The following CDYL variants were observed in gnomAD, a reference collection of about 807,000 sequenced individuals.
The protein encoded by CDYL is chromodomain Y like, also known as chromodomain Y-like protein.
A neutral mutation model predicts 47.3 loss-of-function variants in CDYL; 8 were observed. The ratio of observed to expected loss-of-function variants is 0.17; its 90% CI spans 0.10 to 0.31. CDYL has a LOEUF of 0.31. Among genes scored for constraint, CDYL ranks in the 10% least tolerant of loss-of-function variants. The pLI is 1.00. For missense variants in CDYL, 471 were observed against 701.4 expected (o/e 0.67, Z 3.71); for synonymous variants, 266 against 265.0 (o/e 1.00, Z -0.04).
At chr6:4,740,081 G>C (rs926949777) in intron 3 of CDYL, among the ~76,000 whole-genome samples, 3 of 152,196 alleles carry the variant, frequency 2.0e-5, no homozygotes, top group Admixed American at 1.3e-4. Flanking sequence ...AAAAAAAGCA[G>C]TACATGTGAA....
At chr6:4,740,732 C>T (rs961440756) in intron 3 of CDYL, among the ~76,000 whole-genome samples, 13 of 151,958 alleles carry the variant, frequency 8.6e-5, no homozygotes, top group African/African-American at 3.1e-4. Flanking sequence ...AGTTTCTCTT[C>T]TCTGTATCCA....
intron 3 of CDYL, among the ~76,000 whole-genome samples, chr6:4,743,502 T>A (rs1757833205): frequency 6.6e-6 from 1 of 152,186 alleles, no homozygotes; most frequent in African/African-American, 2.4e-5. Context: ...ATTTTACACT[T>A]CTTACCCCTT....
intron 1 of CDYL, among the ~76,000 whole-genome samples, chr6:4,789,853 C>A (rs948901784): frequency 6.6e-6 from 1 of 152,148 alleles, no homozygotes; most frequent in African/African-American, 2.4e-5. Flanking sequence ...AGTGTAGTTT[C>A]CTGTTCTTAA....
intron 1 of CDYL, among the ~76,000 whole-genome samples, chr6:4,850,974 A>C (rs893656838): frequency 1.3e-5 from 2 of 152,226 alleles, no homozygotes; most frequent in Non-Finnish European, 2.9e-5. Context: ...ACCGAGGCAC[A>C]TGGCAATGAC....
In CDYL at chr6:4,935,795, G is replaced by C. The variant is rs568158656; in HGVS notation, c.948+24G>C. 6 of 1,611,282 alleles carry C rather than the reference G, an allele frequency of 3.7e-6. No homozygotes were observed. The East Asian group carries it at 1.1e-4, about 30-fold the overall frequency. ...AGGTGAGAGGCGCTCTTGGGCTGGC[G>C]TGGGCTTCGCGCTTCTCCCTGCCTG... On this transcript the variant is annotated intron_variant, in intron 3 of 6. Transcript: ENST00000397588.
At chr6:4,765,337 A>C (rs9392637) in intron 3 of CDYL, among the ~76,000 whole-genome samples, 1 of 152,168 alleles carries the variant, frequency 6.6e-6, no homozygotes, top group Admixed American at 6.5e-5. Context: ...AAAAAAAGAC[A>C]AATAAAAATA....
chr6:4,875,601 C>A (rs182592907), intron 1 of CDYL, among the ~76,000 whole-genome samples: 318 of 152,282 alleles, frequency 2.1e-3, no homozygotes, highest in African/African-American at 7.3e-3. Context: ...TATAAACATA[C>A]ATTTGATTTA....
chr6:4,936,123 G>A (rs1456891698), intron 3 of CDYL, among the ~76,000 whole-genome samples: 2 of 152,186 alleles, frequency 1.3e-5, no homozygotes, highest in African/African-American at 2.4e-5. Context: ...GTGTGCACGC[G>A]CTTTGCTTTA....
chr6:4,773,068 T>A (rs1758361248), upstream of CDYL: 1 of 454,968 alleles, frequency 2.2e-6, no homozygotes, highest in Non-Finnish European at 4.4e-6. The surrounding 1 kb of genome is among the most constrained non-coding windows in gnomAD (Gnocchi z 4.6). Context: ...GCTGTGATTC[T>A]TGATCTGAAG....
chr6:4,897,790 G>GTTTTGTTTTTTT lies in CDYL; in HGVS notation c.691+5415_691+5416insGTTTTTTTTTTT, dbSNP rs75519192. ...ATTTTCCTAGGTTTTGAAGGTTTTTGTTTTTTTTTTTTAAATTATCCAGGC... is the reference window on the plus strand; with the variant it reads ...ATTTTCCTAGGTTTTGAAGGTTTTTGTTTTGTTTTTTTTTTTTTTTTTTTAAATTATCCAGGC... On this transcript the variant is annotated intron_variant, in intron 2 of 6. Coordinates refer to ENST00000397588, the MANE Select transcript of CDYL (RefSeq NM_004824.4). 7.7e-4 allele frequency among the ~76,000 whole-genome samples: 108 copies of GTTTTGTTTTTTT among 140,252 alleles called. 1 individual carries two copies. The highest frequency in any genetic ancestry group is 1.5e-3 in the South Asian group (7 of 4,554). 92.0% of individuals were successfully genotyped at this position (140,252 alleles called of 152,430 possible).
intron 1 of CDYL, among the ~76,000 whole-genome samples, chr6:4,854,929 G>T (rs921412717): frequency 3.9e-5 from 6 of 152,228 alleles, no homozygotes; most frequent in Non-Finnish European, 7.3e-5. Flanking sequence ...CAAGACTCAT[G>T]TTGAGAGTCA....
chr6:4,817,465 C>A (rs954611228), intron 1 of CDYL, among the ~76,000 whole-genome samples: 2 of 152,084 alleles, frequency 1.3e-5, no homozygotes, highest in African/African-American at 4.8e-5. Context: ...CATTCCCTTA[C>A]GAGCCACCAC....
chr6:4,887,553 A>G (rs183175580), intron 1 of CDYL, among the ~76,000 whole-genome samples: 25 of 152,196 alleles, frequency 1.6e-4, no homozygotes, highest in African/African-American at 5.1e-4. Context: ...GTCTCTTGCA[A>G]TCTTGGTGAA....
chr6:4,952,490 A>G (rs1264839056), intron 6 of CDYL, 81 bp downstream of exon 6: 15 of 1,478,254 alleles, frequency 1.0e-5, no homozygotes, highest in Non-Finnish European at 1.4e-5. Flanking sequence ...ATTTGCAATT[A>G]TTCCTAAGTC....
intron 1 of CDYL, among the ~76,000 whole-genome samples, chr6:4,708,747 A>G (rs4960032): frequency 1 from 152,156 of 152,264 alleles, 76,025 homozygotes; most frequent in Middle Eastern, 1. Context: ...GGCTGGGCAC[A>G]GTGGCTCACA....
intron 2 of CDYL, among the ~76,000 whole-genome samples, chr6:4,728,406 C>G (rs1400151019): frequency 2.0e-5 from 3 of 152,194 alleles, no homozygotes; most frequent in East Asian, 1.9e-4. Context: ...CAGGTTCCTC[C>G]TCTTCACTCC....
In CDYL at chr6:4,853,581, T is replaced by C. The variant is rs114618369; in HGVS notation, c.25-38132T>C. On this transcript the variant is annotated intron_variant, in intron 1 of 6. Coordinates refer to ENST00000397588, the MANE Select transcript of CDYL (RefSeq NM_004824.4). ...AGTATCTCTTGAGTCTCTTCTCAGC[T>C]TCACTGCTGTCTTGCTTCAGGTGCT... Among the ~76,000 whole-genome samples the C allele has an allele frequency of 4.4e-3, 677 of 152,348 alleles. 6 individuals are homozygous for C. The highest frequency in any genetic ancestry group is 0.016 in the African/African-American group (648 of 41,576).
chr6:4,949,105 C>T (rs1485571642), intron 5 of CDYL, among the ~76,000 whole-genome samples: 1 of 152,246 alleles, frequency 6.6e-6, no homozygotes, highest in African/African-American at 2.4e-5. Context: ...GCAGGCCCTC[C>T]GCTGTAGGCG....
At chr6:4,864,431 G>A (rs894312776) in intron 1 of CDYL, among the ~76,000 whole-genome samples, 11 of 152,112 alleles carry the variant, frequency 7.2e-5, no homozygotes, top group African/African-American at 2.7e-4. Flanking sequence ...TAGGTGATCA[G>A]GAATAATATT....
Sources: allele counts gnomAD v4.1 joint callset (sites outside exome capture counted in the v4.1 genomes callset), GRCh38; gene constraint gnomAD v4.1.1; non-coding constraint Gnocchi (gnomAD v3.1); transcripts MANE v1.5; gene names NCBI Gene and HGNC (gene_info 2026-07-23, HGNC 2026-07-21).